The following HECTD4 variants were observed in gnomAD, a reference collection of about 807,000 sequenced individuals.
The protein encoded by HECTD4 is probable E3 ubiquitin-protein ligase HECTD4.
Under a neutral mutation model 471.5 loss-of-function variants are expected in HECTD4, and 114 were observed. That is an observed-to-expected ratio of 0.24 (90% confidence interval 0.21 to 0.28). The LOEUF is 0.28. Ranked by LOEUF, HECTD4 falls within the 10% of genes least tolerant of loss-of-function variation. The probability of loss-of-function intolerance (pLI) is 1.00; values close to 1 mark genes in which losing one functional copy is unlikely to be tolerated. For missense variants in HECTD4, 3,866 were observed against 5,651.5 expected, an observed-to-expected ratio of 0.68 and a Z score of 10.13; for synonymous variants, 2,012 against 2,256.0, an observed-to-expected ratio of 0.89 and a Z score of 3.07.
Position 112,266,062 on chromosome 12 carries a change from A to T in HECTD4, c.2393-79T>A, listed in dbSNP as rs952226698. 5 of 1,025,824 alleles carry T rather than the reference A, an allele frequency of 4.9e-6. No individual in the cohort carries two copies. In the African/African-American group the frequency reaches 8.0e-5, roughly 16 times the overall value. 63.5% of individuals were successfully genotyped at this position (1,025,824 alleles called of 1,614,324 possible). A position where few individuals can be genotyped will look rare whatever the true frequency, so the allele number is the denominator to read the frequency against. ...GATGCTATTTTTAAAAAGTTTTTAA[A>T]CAAATAGATTGTCGGCAAGCTAGGG... On this transcript the variant is annotated intron_variant, in intron 14 of 75. Coordinates refer to ENST00000682272, the MANE Select transcript of HECTD4 (RefSeq NM_001388303.1).
In HECTD4 at chr12:112,193,113, C is replaced by A. The variant is rs1189248879; in HGVS notation, c.9034G>T (p.Ala3012Ser). ...KVNMDVNFPGAAFVVVSCKES... is the reference protein window; with the variant it reads ...KVNMDVNFPGSAFVVVSCKES... The stretch of plus-strand genomic sequence containing the variant: ...TTACAAGACACAACAACAAAAGCTG[C>A]CCCGGGGAAATTCACGTCCATGTTG... The change falls in exon 58 of 76, where the codon GCA (alanine) becomes TCA (serine). Residue 3012 changes from alanine to serine, a missense_variant. Ala to Ser is a moderately conservative substitution (Grantham distance 99). Coordinates refer to ENST00000682272, the MANE Select transcript of HECTD4 (RefSeq NM_001388303.1). This position sits in a 1 kb window ranked among gnomAD's most constrained non-coding sequence, Gnocchi z 5.2. 1 of 1,613,962 alleles carries A rather than the reference C, an allele frequency of 6.2e-7. No homozygotes were observed. Among genetic ancestry groups the A allele is most frequent in the Non-Finnish European group, 8.5e-7 (1 of 1,179,878 alleles).
chr12:112,360,997 A>T (rs1230962025), intron 1 of HECTD4, among the ~76,000 whole-genome samples: 3 of 152,020 alleles, frequency 2.0e-5, no homozygotes, highest in Non-Finnish European at 4.4e-5. Flanking sequence ...AAAAAAAAAA[A>T]AAAGGTAAGA....
intron 40 of HECTD4, among the ~76,000 whole-genome samples, chr12:112,230,239 G>A (rs948923997): frequency 1.3e-5 from 2 of 152,186 alleles, no homozygotes; most frequent in Non-Finnish European, 2.9e-5. Context: ...TGGAAAGGGG[G>A]AATTGCTTAC....
At chr12:112,216,972 G>C in intron 46 of HECTD4, 51 bp from the exon 47 acceptor site, 2 of 1,598,436 alleles carry the variant, frequency 1.3e-6, no homozygotes, top group Non-Finnish European at 1.7e-6. Context: ...TCCTGGGCCT[G>C]AGACCTGCTT....
chr12:112,336,522 C>CA (rs759716495), intron 1 of HECTD4, among the ~76,000 whole-genome samples: 6,292 of 126,042 alleles, frequency 0.05, 273 homozygotes, highest in African/African-American at 0.13. Flanking sequence ...GACTCCGTCT[C>CA]AAAAAAAAAA....
rs189518975 is a variant in HECTD4, at chr12:112,340,835, A to G, written c.178-21093T>C. On this transcript the variant is annotated intron_variant, in intron 1 of 75. Coordinates refer to ENST00000682272, the MANE Select transcript of HECTD4 (RefSeq NM_001388303.1). Reference sequence around the variant, plus strand: ...TCATGTGCCGAATTTGACAAATTTTATATATAATTATTAGGTACCAGAAGG... The same window carrying G: ...TCATGTGCCGAATTTGACAAATTTTGTATATAATTATTAGGTACCAGAAGG... 2.3e-4 allele frequency among the ~76,000 whole-genome samples: 35 copies of G among 152,320 alleles called. 1 individual carries two copies. In the East Asian group the frequency reaches 4.0e-3, roughly 18 times the overall value.
chr12:112,185,324 G>T lies in HECTD4; in HGVS notation c.9642C>A (p.Ala3214=), dbSNP rs757272405. 1.4e-5 allele frequency: 22 copies of T among 1,585,746 alleles called. No homozygotes were observed. The highest frequency in any genetic ancestry group is 1.8e-5 in the Non-Finnish European group (21 of 1,166,074). ...QLNPCLAMLM[A]LQSELHKLYD... is the part of the protein sequence containing the mutation. ...ACAGCTTGTGGAGCTCCGACTGCAA[G>T]GCCATCAGCATGGCCAGGCAGGGGT... is the stretch of plus-strand genomic sequence containing the variant. The change falls in exon 61 of 76, where the codon GCC becomes GCA. Residue 3214 remains alanine (A), a synonymous_variant. Coordinates refer to ENST00000682272, the MANE Select transcript of HECTD4 (RefSeq NM_001388303.1).
intron 9 of HECTD4, among the ~76,000 whole-genome samples, chr12:112,278,762 A>C (rs1385211943): frequency 6.6e-6 from 1 of 152,210 alleles, no homozygotes; most frequent in African/African-American, 2.4e-5. Flanking sequence ...GCATGGTGGC[A>C]TGTGCCTGTA....
At chr12:112,265,330 TTGA>T (rs1566092374) in intron 15 of HECTD4, 35 bp from the exon 16 acceptor site, 4 of 1,370,526 alleles carry the variant, frequency 2.9e-6, no homozygotes, top group Non-Finnish European at 3.0e-6. Flanking sequence ...CAATAAAATA[TTGA>T]TGGTTTATTC....
chr12:112,364,424 T>A (rs1314965902), intron 1 of HECTD4, among the ~76,000 whole-genome samples: 31 of 146,214 alleles, frequency 2.1e-4, no homozygotes, highest in East Asian at 4.1e-4. Context: ...AAAAAAAAAA[T>A]AAATAAATAA....
intron 1 of HECTD4, among the ~76,000 whole-genome samples, chr12:112,333,778 T>C (rs188157576): frequency 2.0e-5 from 3 of 152,342 alleles, no homozygotes; most frequent in Admixed American, 6.5e-5. Flanking sequence ...AGGAAAATTA[T>C]CACTAGAGGA....
intron 1 of HECTD4, among the ~76,000 whole-genome samples, chr12:112,331,339 G>A (rs1264200230): frequency 6.6e-6 from 1 of 152,174 alleles, no homozygotes; most frequent in Non-Finnish European, 1.5e-5. Flanking sequence ...CCAAAGTGCT[G>A]GGATTACAGG....
At chr12:112,219,761 G>A (rs1028489686) in intron 44 of HECTD4, among the ~76,000 whole-genome samples, 5 of 151,344 alleles carry the variant, frequency 3.3e-5, no homozygotes, top group East Asian at 1.9e-4. Flanking sequence ...CACCGCGCCC[G>A]GTTAATTTTT....
chr12:112,283,234 T>G lies in HECTD4; in HGVS notation c.1404A>C (p.Glu468Asp). ...ERTILMRKEGESAKSINEMLL... is the reference protein window; with the variant it reads ...ERTILMRKEGDSAKSINEMLL... ...GCATCTCATTAATGCTTTTGGCAGA[T>G]TCGCCCTCTTTTCTCATTAGAATTG... Residue 468 changes from glutamate (E) to aspartate (D), a missense_variant, in exon 8 of 76, where the codon GAA becomes GAC. This residue lies in a region of HECTD4 where 440 missense variants were observed against 636.0 expected (regional missense o/e 0.69). Coordinates refer to ENST00000682272, the MANE Select transcript of HECTD4 (RefSeq NM_001388303.1). The G allele has an allele frequency of 2.5e-6, 4 of 1,613,860 alleles. No individual in the cohort carries two copies. The highest frequency in any genetic ancestry group is 3.4e-6 in the Non-Finnish European group (4 of 1,179,836).
chr12:112,206,190 G>A (rs1239526420), intron 52 of HECTD4, among the ~76,000 whole-genome samples: 1 of 152,154 alleles, frequency 6.6e-6, no homozygotes, highest in Admixed American at 6.5e-5. Context: ...TGCCCAGGAC[G>A]TTGTGGGTGA....
In HECTD4 at chr12:112,184,199, G is replaced by A. The variant is rs1459297726; in HGVS notation, c.10767C>T (p.Phe3589=). 1 of 1,609,964 alleles carries A rather than the reference G, an allele frequency of 6.2e-7. No homozygotes were observed. The highest frequency in any genetic ancestry group is 8.5e-7 in the Non-Finnish European group (1 of 1,177,678). Residue 3589 remains phenylalanine, a synonymous_variant, in exon 61 of 76, where the codon TTC becomes TTT. Transcript: ENST00000682272. The surrounding 1 kb of genome is among the most constrained non-coding windows in gnomAD (Gnocchi z 9.1). The part of the protein sequence containing the change: ...QPLAARPIKG[F]AVVEIRSRAK... ...TGAAAGCTGTTACCTCCACGACTGC[G>A]AAGCCTTTGATGGGGCGGGCGGCGA...
In HECTD4 at chr12:112,229,802, C is replaced by T; in HGVS notation, c.6415G>A (p.Gly2139Ser). The change falls in exon 41 of 76, where the codon GGC becomes AGC. Residue 2139 changes from glycine (G) to serine (S), a missense_variant. Physicochemically the swap from Gly to Ser is moderately conservative, Grantham distance 56. This residue lies in a region of HECTD4 where 617 missense variants were observed against 915.1 expected (regional missense o/e 0.67). Transcript: ENST00000682272. ...ESILENGSSS[G>S]RKLAKLQRIA... ...CTCTGAAGTTTGGCAAGTTTCCTGC[C>T]ACTGCTGCTGCCATTTTCCAGAATG... 1 of 1,614,034 alleles carries T rather than the reference C, an allele frequency of 6.2e-7. No homozygotes were observed. Among genetic ancestry groups the T allele is most frequent in the Non-Finnish European group, 8.5e-7 (1 of 1,179,896 alleles).
rs1339119069 is a variant in HECTD4 at position 112,193,870 on chromosome 12, T to C, written c.8750-196A>G. Among the ~76,000 whole-genome samples, 1 of 152,188 alleles carries C rather than the reference T, an allele frequency of 6.6e-6. No individual in the cohort carries two copies. The highest frequency in any genetic ancestry group is 1.5e-5 in the Non-Finnish European group (1 of 68,018). ...GGTGGAGGGGGACCCAGGAGATCAATGGGCTTCATACTTTTGCTTTCTTTT... is the reference window on the plus strand; with the variant it reads ...GGTGGAGGGGGACCCAGGAGATCAACGGGCTTCATACTTTTGCTTTCTTTT... On this transcript the variant is annotated intron_variant, in intron 56 of 75. Transcript: ENST00000682272. This position sits in a 1 kb window ranked among gnomAD's most constrained non-coding sequence, Gnocchi z 5.2.
At chr12:112,363,854 C>A (rs1163858613) in intron 1 of HECTD4, among the ~76,000 whole-genome samples, 1 of 151,504 alleles carries the variant, frequency 6.6e-6, no homozygotes, top group Non-Finnish European at 1.5e-5. Context: ...CGTGCGCCTG[C>A]AATCCTAGCT....
Sources: allele counts gnomAD v4.1 joint callset (sites outside exome capture counted in the v4.1 genomes callset), GRCh38; gene constraint gnomAD v4.1.1; regional missense constraint gnomAD v4.1.1; non-coding constraint Gnocchi (gnomAD v3.1); transcripts MANE v1.5; gene names NCBI Gene and HGNC (gene_info 2026-07-23, HGNC 2026-07-21).